The following GALNT12 variants were observed in gnomAD, a reference collection of about 807,000 sequenced individuals.
The protein encoded by GALNT12 is UDP-GalNAc:polypeptide N-acetylgalactosaminyltransferase 12.
A neutral mutation model predicts 55.5 loss-of-function variants in GALNT12; 45 were observed. That is an observed-to-expected ratio of 0.81 (90% CI 0.64 to 1.04). The LOEUF is 1.04. Ranked by LOEUF, GALNT12 falls within the 50% of genes least tolerant of loss-of-function variation. The probability of loss-of-function intolerance (pLI) is 0.00; values close to 1 mark genes in which losing one functional copy is unlikely to be tolerated. For synonymous variants in GALNT12, 304 were observed against 312.2 expected, an observed-to-expected ratio of 0.97 and a Z score of 0.28; for missense variants, 709 against 754.8, an observed-to-expected ratio of 0.94 and a Z score of 0.71.
chr9:98,849,887 A>G lies in GALNT12; in HGVS notation c.*795A>G, dbSNP rs1387559224. 3.6e-6 allele frequency: 1 copy of G among 279,334 alleles called. No individual in the cohort carries two copies. The highest frequency in any genetic ancestry group is 2.1e-5 in the African/African-American group (1 of 46,610). 17.3% of individuals were successfully genotyped at this position (279,334 alleles called of 1,614,324 possible). ...GTGTCAGGGAGAAATGTAATGTTCTATATGAAATTCCTTTTTCAAGTTTGT... is the reference window on the plus strand; with the variant it reads ...GTGTCAGGGAGAAATGTAATGTTCTGTATGAAATTCCTTTTTCAAGTTTGT... On this transcript the variant is annotated 3_prime_UTR_variant, in exon 10 of 10. Coordinates refer to ENST00000375011, the MANE Select transcript of GALNT12 (RefSeq NM_024642.5).
At position 98,826,925 on chromosome 9, in the gene GALNT12, G is replaced by C. The variant is rs777144221; in HGVS notation, c.715G>C (p.Glu239Gln). 243 of 1,564,888 alleles carry C rather than the reference G, an allele frequency of 1.6e-4. No homozygotes were observed. Among genetic ancestry groups the C allele is most frequent in the Non-Finnish European group, 2.0e-4 (229 of 1,154,690 alleles). Reference sequence around the variant, plus strand: ...CTGTGAGTGCCACGAAGGGTGGCTGGAGCCGCTGCTGCAGAGGTACGTGAG... The same window carrying C: ...CTGTGAGTGCCACGAAGGGTGGCTGCAGCCGCTGCTGCAGAGGTACGTGAG... ...CHCECHEGWL[E>Q]PLLQRIHEEE... The change falls in exon 3 of 10, where the codon GAG becomes CAG. Residue 239 changes from glutamate (E) to glutamine (Q), a missense_variant. By Grantham distance (29) the Glu-to-Gln change is conservative. Transcript: ENST00000375011.
At chr9:98,825,078 A>T (rs1835828259) in intron 2 of GALNT12, among the ~76,000 whole-genome samples, 1 of 152,220 alleles carries the variant, frequency 6.6e-6, no homozygotes, top group South Asian at 2.1e-4. Flanking sequence ...CATCGTGAGC[A>T]TTGAATGAGA....
At chr9:98,844,425 CATA>C (rs1208599588) in intron 8 of GALNT12, 12 of 559,012 alleles carry the variant, frequency 2.1e-5, no homozygotes, top group Non-Finnish European at 6.4e-6. Context: ...AAATAGTTGT[CATA>C]ATGTCTGTAT....
chr9:98,833,849 C>T (rs1468335112), intron 4 of GALNT12, among the ~76,000 whole-genome samples: 1 of 152,100 alleles, frequency 6.6e-6, no homozygotes, highest in African/African-American at 2.4e-5. Flanking sequence ...CCCCGTTACC[C>T]CACATGCTCA....
chr9:98,842,057 G>C (rs1359492888), intron 7 of GALNT12, among the ~76,000 whole-genome samples: 1 of 125,386 alleles, frequency 8.0e-6, no homozygotes, highest in Non-Finnish European at 1.7e-5. Flanking sequence ...TCCTCCAGTT[G>C]TATCTACTGG....
intron 1 of GALNT12, among the ~76,000 whole-genome samples, chr9:98,817,983 A>G (rs1018019475): frequency 5.3e-5 from 8 of 152,224 alleles, no homozygotes; most frequent in South Asian, 4.2e-4. Flanking sequence ...ACAAACTTCT[A>G]TAAATCCTCC....
chr9:98,835,777 C>G (rs149950084), intron 5 of GALNT12, among the ~76,000 whole-genome samples: 2,711 of 152,176 alleles, frequency 0.018, 66 homozygotes, highest in African/African-American at 0.06. Flanking sequence ...GCTCTGTCGC[C>G]CAGGCTGGAG....
intron 3 of GALNT12, among the ~76,000 whole-genome samples, chr9:98,830,368 G>A (rs1835964080): frequency 6.6e-6 from 1 of 152,232 alleles, no homozygotes; most frequent in Non-Finnish European, 1.5e-5. Context: ...GGCATTTTGT[G>A]TATCAGGGAG....
chr9:98,817,170 T>C (rs1012420289), intron 1 of GALNT12, among the ~76,000 whole-genome samples: 1 of 152,130 alleles, frequency 6.6e-6, no homozygotes, highest in Non-Finnish European at 1.5e-5. Flanking sequence ...TTTGCCATGT[T>C]GCCCAGGCTG....
chr9:98,843,963 A>C lies in GALNT12; in HGVS notation c.1345-133A>C. On this transcript the variant is annotated intron_variant, in intron 7 of 9. Transcript: ENST00000375011. ...TTAAAGCTAGAAGGTGCTGTACAGA[A>C]AAGACTCTTACCTTTGCGTCTAGCT... The C allele has an allele frequency of 7.2e-6, 5 of 693,812 alleles. No individual in the cohort carries two copies. In the South Asian group the frequency reaches 8.0e-5, roughly 11 times the overall value. 43.0% of individuals were successfully genotyped at this position (693,812 alleles called of 1,614,324 possible).
In GALNT12 at chr9:98,823,387, T is replaced by C. The variant is rs1343862677; in HGVS notation, c.503T>C (p.Leu168Pro). ...CTTGAGACATCCCCGGATATCCTGCTAGAAGAAGTGATCCTTGTAGATGAC... is the reference window on the plus strand; with the variant it reads ...CTTGAGACATCCCCGGATATCCTGCCAGAAGAAGTGATCCTTGTAGATGAC... ...SVLETSPDIL[L>P]EEVILVDDYS... Residue 168 changes from leucine to proline, a missense_variant, in exon 2 of 10, where the codon CTA becomes CCA. Transcript: ENST00000375011. The C allele has an allele frequency of 6.8e-6, 11 of 1,614,196 alleles. No individual in the cohort carries two copies. The highest frequency in any genetic ancestry group is 9.3e-6 in the Non-Finnish European group (11 of 1,180,018).
chr9:98,819,237 A>T (rs543283990), intron 1 of GALNT12, among the ~76,000 whole-genome samples: 3 of 152,204 alleles, frequency 2.0e-5, no homozygotes, highest in African/African-American at 7.2e-5. Flanking sequence ...GCCTCTGTCT[A>T]AGAGATGGAG....
chr9:98,844,324 G>A (rs1471967662), intron 8 of GALNT12, 115 bp downstream of exon 8: 2 of 757,140 alleles, frequency 2.6e-6, no homozygotes, highest in Middle Eastern at 3.6e-4. Flanking sequence ...AGAAGCCTAG[G>A]GTGGCCAGAC....
At position 98,849,260 on chromosome 9, in the gene GALNT12, T is replaced by C; in HGVS notation, c.*168T>C. 1 of 680,734 alleles carries C rather than the reference T, an allele frequency of 1.5e-6. No homozygotes were observed. Among genetic ancestry groups the C allele is most frequent in the Non-Finnish European group, 2.6e-6 (1 of 389,224 alleles). The allele number at this position is 680,734 out of a possible 1,614,324, so 42.2% of individuals were successfully genotyped here. On this transcript the variant is annotated 3_prime_UTR_variant, in exon 10 of 10. Transcript: ENST00000375011. ...AGTTGTGTTGGATTTAGTAAAAATG[T>C]GAATAAGCTTTGTACTTATTTTGAG...
rs1836497566 is a variant in GALNT12 at position 98,849,342 on chromosome 9, C to G, written c.*250C>G. ...TCAAAGGGTAATCGTAAGATGTTAA[C>G]CCTTGGTATTTAGAAAATTAAAACC... On this transcript the variant is annotated 3_prime_UTR_variant, in exon 10 of 10. Coordinates refer to ENST00000375011, the MANE Select transcript of GALNT12 (RefSeq NM_024642.5). 7 of 584,948 alleles carry G rather than the reference C, an allele frequency of 1.2e-5. No homozygotes were observed. The East Asian group carries it at 1.9e-4, about 16-fold the overall frequency. 36.2% of individuals were successfully genotyped at this position (584,948 alleles called of 1,614,324 possible). A position where few individuals can be genotyped will look rare whatever the true frequency, so the allele number is the denominator to read the frequency against.
intron 5 of GALNT12, 110 bp downstream of exon 5, chr9:98,835,476 A>G (rs561947798): frequency 4.9e-5 from 39 of 796,062 alleles, no homozygotes; most frequent in Non-Finnish European, 8.5e-5. Context: ...TGACACGCAT[A>G]TCCTATAAAC....
At chr9:98,840,155 A>G in intron 7 of GALNT12, 22 bp downstream of exon 7, 1 of 1,612,304 alleles carries the variant, frequency 6.2e-7, no homozygotes, top group Non-Finnish European at 8.5e-7. Flanking sequence ...TGGTGGGCCC[A>G]CGGCAGGCAG....
chr9:98,808,135 G>T, intron 1 of GALNT12, 66 bp downstream of exon 1: 1 of 1,346,790 alleles, frequency 7.4e-7, no homozygotes, highest in Non-Finnish European at 1.0e-6. Context: ...CTCCATCAGA[G>T]CAGTGGCAGG....
At position 98,842,615 on chromosome 9, in the gene GALNT12, C is replaced by T. The variant is rs558012953; in HGVS notation, c.1345-1481C>T. ...GCCTCCTTGATTCTGGCCAAGTTGTCCCATTCGAGTTTTAAACATTTCCTG... is the reference window on the plus strand; with the variant it reads ...GCCTCCTTGATTCTGGCCAAGTTGTTCCATTCGAGTTTTAAACATTTCCTG... On this transcript the variant is annotated intron_variant, in intron 7 of 9. Transcript: ENST00000375011. Among the ~76,000 whole-genome samples the T allele has an allele frequency of 1.2e-3, 183 of 152,230 alleles. No homozygotes were observed. The Middle Eastern group carries it at 0.017, about 14-fold the overall frequency.
Sources: allele counts gnomAD v4.1 joint callset (sites outside exome capture counted in the v4.1 genomes callset), GRCh38; gene constraint gnomAD v4.1.1; transcripts MANE v1.5; gene names NCBI Gene and HGNC (gene_info 2026-07-23, HGNC 2026-07-21).